The following CDKAL1 variants were observed in gnomAD, a reference collection of about 807,000 sequenced individuals.
The protein encoded by CDKAL1 is CDKAL1 threonylcarbamoyladenosine tRNA methylthiotransferase.
CDKAL1 carries 32 observed loss-of-function variants against 68.2 expected under a neutral mutation model. The ratio of observed to expected loss-of-function variants is 0.47; its 90% confidence interval spans 0.35 to 0.63. CDKAL1 has a LOEUF of 0.63. Ranked by LOEUF, CDKAL1 falls within the 30% of genes least tolerant of loss-of-function variation. CDKAL1 has a pLI of 0.00. For synonymous variants in CDKAL1, 234 were observed against 244.3 expected (o/e 0.96, Z 0.39); for missense variants, 606 against 696.7 (o/e 0.87, Z 1.47).
chr6:20,733,454 C>T (rs765022066), intron 5 of CDKAL1, among the ~76,000 whole-genome samples: 1 of 152,152 alleles, frequency 6.6e-6, no homozygotes, highest in Non-Finnish European at 1.5e-5. Flanking sequence ...AGGAAACAGA[C>T]TTTATTCCAG....
intron 10 of CDKAL1, among the ~76,000 whole-genome samples, chr6:20,972,354 C>A (rs1316589313): frequency 1.3e-5 from 2 of 152,168 alleles, no homozygotes; most frequent in Non-Finnish European, 2.9e-5. Context: ...ACTCTTATCA[C>A]CCAGGCTTGA....
In CDKAL1 at chr6:20,739,564, T is replaced by A. The variant is rs1247624315; in HGVS notation, c.417T>A (p.Val139=). Reference sequence around the variant, plus strand: ...AGAAAATCGTACTGGCTGGATGCGTTCCTCAAGCCCAGCCTCGCCAGGACT... The same window carrying A: ...AGAAAATCGTACTGGCTGGATGCGTACCTCAAGCCCAGCCTCGCCAGGACT... ...ENKKIVLAGC[V]PQAQPRQDYL... Residue 139 remains valine, a synonymous_variant, in exon 6 of 16, where the codon GTT becomes GTA. Coordinates refer to ENST00000274695, the MANE Select transcript of CDKAL1 (RefSeq NM_017774.3). 1 of 1,613,424 alleles carries A rather than the reference T, an allele frequency of 6.2e-7. No homozygotes were observed. Among genetic ancestry groups the A allele is most frequent in the Non-Finnish European group, 8.5e-7 (1 of 1,179,648 alleles).
At chr6:20,752,569 A>G (rs1240577486) in intron 6 of CDKAL1, among the ~76,000 whole-genome samples, 1 of 152,164 alleles carries the variant, frequency 6.6e-6, no homozygotes, top group Non-Finnish European at 1.5e-5. Context: ...TGTTGCAAAA[A>G]TAAAGAGTTC....
At position 20,745,132 on chromosome 6, in the gene CDKAL1, A is replaced by G. The variant is rs1581493418; in HGVS notation, c.468+5517A>G. Among the ~76,000 whole-genome samples the G allele has an allele frequency of 7.9e-5, 12 of 152,368 alleles. 2 individuals carry two copies. Among genetic ancestry groups the G allele is most frequent in the Admixed American group, 7.8e-4 (12 of 15,304 alleles). ...CAGGTGTCCACTTATCTCAGGGACT[A>G]TTAGCAGGTTGATTTGCAGTGGTTA... On this transcript the variant is annotated intron_variant, in intron 6 of 15. Transcript: ENST00000274695.
At chr6:20,916,133 G>A (rs923635718) in intron 9 of CDKAL1, among the ~76,000 whole-genome samples, 4 of 152,128 alleles carry the variant, frequency 2.6e-5, no homozygotes, top group African/African-American at 9.7e-5. Flanking sequence ...AATCTATAAT[G>A]CAATAAAATT....
chr6:21,065,361 G>A, intron 12 of CDKAL1, 133 bp downstream of exon 12: 1 of 708,738 alleles, frequency 1.4e-6, no homozygotes, highest in South Asian at 2.0e-5. Context: ...TCCAAGTTGG[G>A]GTCAGGGGCC....
chr6:20,787,592 A>G (rs1181019289), intron 8 of CDKAL1, among the ~76,000 whole-genome samples: 1 of 152,182 alleles, frequency 6.6e-6, no homozygotes, highest in Non-Finnish European at 1.5e-5. Flanking sequence ...TTTGTATGAA[A>G]GGTTCACTTG....
At chr6:20,555,828 T>A (rs1031586144) in intron 4 of CDKAL1, among the ~76,000 whole-genome samples, 10 of 151,600 alleles carry the variant, frequency 6.6e-5, no homozygotes, top group Non-Finnish European at 8.8e-5. Context: ...TTCACTGTGT[T>A]AGCCAGGATG....
intron 4 of CDKAL1, among the ~76,000 whole-genome samples, chr6:20,580,663 G>T (rs1561940353): frequency 6.6e-6 from 1 of 152,094 alleles, no homozygotes; most frequent in East Asian, 1.9e-4. Context: ...AAGTAAGGTG[G>T]TTTTTGGCCA....
chr6:21,151,424 G>C (rs1209993205), intron 13 of CDKAL1, among the ~76,000 whole-genome samples: 1 of 152,182 alleles, frequency 6.6e-6, no homozygotes, highest in African/African-American at 2.4e-5. Flanking sequence ...AATCTATTCT[G>C]TCTACCTAAG....
intron 6 of CDKAL1, 105 bp from the exon 7 acceptor site, chr6:20,758,490 T>G: frequency 3.6e-6 from 3 of 826,084 alleles, no homozygotes; most frequent in South Asian, 1.8e-5. Flanking sequence ...GAAACCTGCA[T>G]TGATGTGCTT....
intron 11 of CDKAL1, among the ~76,000 whole-genome samples, chr6:21,035,783 AT>A (rs1769545122): frequency 6.6e-6 from 1 of 152,094 alleles, no homozygotes; most frequent in Non-Finnish European, 1.5e-5. Context: ...TTGAAAATGT[AT>A]TTTCACACAG....
intron 10 of CDKAL1, among the ~76,000 whole-genome samples, chr6:20,968,771 C>G (rs373044659): frequency 6.6e-6 from 1 of 152,044 alleles, no homozygotes; most frequent in East Asian, 1.9e-4. Flanking sequence ...ATTTCTGTCT[C>G]ATTATTGGTA....
rs184666987 is a variant in CDKAL1, at chr6:20,664,649, A to G, written c.371+15272A>G. Among the ~76,000 whole-genome samples, 187 of 152,292 alleles carry G rather than the reference A, an allele frequency of 1.2e-3. 2 individuals are homozygous for G. The South Asian group carries it at 0.021, about 17-fold the overall frequency. On this transcript the variant is annotated intron_variant, in intron 5 of 15. Transcript: ENST00000274695. ...ATGCTTTTACCATTTTAATTTGATA[A>G]CAAAGGATTTGATGTCATTGATCAA...
At chr6:20,829,754 C>T (rs140282215) in intron 8 of CDKAL1, among the ~76,000 whole-genome samples, 2 of 152,322 alleles carry the variant, frequency 1.3e-5, no homozygotes, top group African/African-American at 4.8e-5. Context: ...TTCTCAGATT[C>T]ACTGAAGAGA....
At chr6:21,056,456 A>G (rs1490571561) in intron 11 of CDKAL1, among the ~76,000 whole-genome samples, 2 of 152,172 alleles carry the variant, frequency 1.3e-5, no homozygotes, top group African/African-American at 2.4e-5. Context: ...ATATGTGATC[A>G]TATCATCTGC....
At chr6:20,734,430 A>G (rs375443922) in intron 5 of CDKAL1, among the ~76,000 whole-genome samples, 1 of 152,176 alleles carries the variant, frequency 6.6e-6, no homozygotes, top group Non-Finnish European at 1.5e-5. Context: ...TATTCTTATC[A>G]CCATTCATAT....
intron 9 of CDKAL1, among the ~76,000 whole-genome samples, chr6:20,944,408 C>T (rs555220240): frequency 6.6e-4 from 100 of 152,336 alleles, no homozygotes; most frequent in East Asian, 2.1e-3. Context: ...AGGGCAGTGG[C>T]GTGATCTCAG....
intron 7 of CDKAL1, among the ~76,000 whole-genome samples, chr6:20,768,928 A>C (rs567431839): frequency 1.3e-5 from 2 of 152,212 alleles, no homozygotes; most frequent in South Asian, 4.2e-4. Flanking sequence ...AATCCAGACT[A>C]TTGGGAAACT....
Sources: gnomAD v4.1 joint callset for allele counts (sites outside exome capture counted in the v4.1 genomes callset) on GRCh38, gnomAD v4.1.1 for gene constraint, MANE v1.5 for transcripts, NCBI Gene and HGNC (gene_info 2026-07-23, HGNC 2026-07-21) for gene names.